The following GUCY1B1 variants were observed in gnomAD, a reference collection of about 807,000 sequenced individuals.
GUCY1B1 encodes the protein guanylate cyclase 1 soluble subunit beta 1, also known as guanylate cyclase soluble subunit beta-1.
A neutral mutation model predicts 71.0 loss-of-function variants in GUCY1B1; 43 were observed. The observed-to-expected ratio is 0.61, with a 90% CI of 0.47 to 0.78. The LOEUF (loss-of-function observed/expected upper bound fraction) is 0.78. Ranked by LOEUF, GUCY1B1 falls within the 30% of genes least tolerant of loss-of-function variation. GUCY1B1 has a pLI of 0.00. For missense variants in GUCY1B1, 535 were observed against 754.1 expected, an observed-to-expected ratio of 0.71 and a Z score of 3.40; for synonymous variants, 266 against 259.7, an observed-to-expected ratio of 1.02 and a Z score of -0.23.
chr4:155,763,840 A>T (rs1277188517), intron 2 of GUCY1B1, among the ~76,000 whole-genome samples: 3 of 152,224 alleles, frequency 2.0e-5, no homozygotes, highest in African/African-American at 7.2e-5. Context: ...GCATTGAATA[A>T]TGTCTGCAAA....
chr4:155,766,451 C>G (rs1463290730), intron 2 of GUCY1B1, among the ~76,000 whole-genome samples: 1 of 152,116 alleles, frequency 6.6e-6, no homozygotes, highest in Non-Finnish European at 1.5e-5. Flanking sequence ...AGTGAGAACA[C>G]TTAAGACCTC....
Position 155,796,485 on chromosome 4 carries a change from A to G in GUCY1B1, c.952A>G (p.Ser318Gly), listed in dbSNP as rs757900619. Reference sequence around the variant, plus strand: ...AATGATCTACTTACCTGAAGCAGATAGCATACTTTTTCTATGTTCACCAAG... The same window carrying G: ...AATGATCTACTTACCTGAAGCAGATGGCATACTTTTTCTATGTTCACCAAG... ...GQMIYLPEAD[S>G]ILFLCSPSVM... Residue 318 changes from serine to glycine, a missense_variant, in exon 8 of 14, where the codon AGC becomes GGC. Physicochemically the swap from Ser to Gly is moderately conservative, Grantham distance 56. Coordinates refer to ENST00000264424, the MANE Select transcript of GUCY1B1 (RefSeq NM_000857.5). The G allele has an allele frequency of 2.5e-6, 4 of 1,610,500 alleles. No homozygotes were observed. Among genetic ancestry groups the G allele is most frequent in the African/African-American group, 2.7e-5 (2 of 74,868 alleles).
At chr4:155,795,480 A>G in intron 7 of GUCY1B1, 23 bp downstream of exon 7, 1 of 1,098,808 alleles carries the variant, frequency 9.1e-7, no homozygotes, top group East Asian at 2.4e-5. Flanking sequence ...TTATTTCATT[A>G]AATGTGAGAA....
intron 5 of GUCY1B1, among the ~76,000 whole-genome samples, chr4:155,791,265 C>A (rs1269745307): frequency 2.0e-5 from 3 of 151,494 alleles, no homozygotes; most frequent in African/African-American, 7.3e-5. Context: ...CAGGCCCCCA[C>A]CACCACGCCC....
intron 2 of GUCY1B1, 45 bp downstream of exon 2, chr4:155,759,905 T>A: frequency 7.0e-7 from 1 of 1,424,790 alleles, no homozygotes; most frequent in Non-Finnish European, 9.9e-7. Context: ...CGGCGCCCAG[T>A]GTGGGAGGCC....
intron 11 of GUCY1B1, among the ~76,000 whole-genome samples, chr4:155,804,015 C>A (rs1376230376): frequency 6.6e-6 from 1 of 152,080 alleles, no homozygotes; most frequent in Non-Finnish European, 1.5e-5. Context: ...CTTGTACCTT[C>A]TAGTTTATTT....
intron 3 of GUCY1B1, among the ~76,000 whole-genome samples, chr4:155,777,196 C>T (rs1738109132): frequency 6.6e-6 from 1 of 152,186 alleles, no homozygotes; most frequent in South Asian, 2.1e-4. Context: ...TGTAGTGTCA[C>T]GTTGGTGACC....
chr4:155,795,281 T>A (rs1739467846), intron 6 of GUCY1B1, 60 bp from the exon 7 acceptor site: 2 of 792,602 alleles, frequency 2.5e-6, no homozygotes, highest in African/African-American at 1.7e-5. Context: ...GCGATTAATA[T>A]CAAAGTATAA....
Position 155,799,875 on chromosome 4 carries a change from A to T in GUCY1B1, c.978-2A>T. The T allele has an allele frequency of 6.3e-7, 1 of 1,590,566 alleles. No individual in the cohort carries two copies. Among genetic ancestry groups the T allele is most frequent in the Non-Finnish European group, 8.6e-7 (1 of 1,160,910 alleles). On this transcript the variant is annotated splice_acceptor_variant, in intron 8 of 13. Transcript: ENST00000264424. LOFTEE classifies it high-confidence loss of function. ...ATCTTGCCTCATTTCTCCATATGAC[A>T]GTGTCATGAACCTGGACGATTTGAC...
chr4:155,800,784 A>T (rs1483082707), intron 9 of GUCY1B1, among the ~76,000 whole-genome samples: 1 of 152,176 alleles, frequency 6.6e-6, no homozygotes, highest in Non-Finnish European at 1.5e-5. Flanking sequence ...ACTGACATTT[A>T]TAAGCTATTT....
chr4:155,804,050 G>A (rs1258737401), intron 11 of GUCY1B1, among the ~76,000 whole-genome samples: 1 of 152,124 alleles, frequency 6.6e-6, no homozygotes, highest in East Asian at 1.9e-4. Context: ...CATGTCTCAT[G>A]TAAGTTACTA....
rs2111107849 is a variant in GUCY1B1, at chr4:155,789,926, T to C, written c.495+15T>C. On this transcript the variant is annotated intron_variant, in intron 5 of 13. Transcript: ENST00000264424. ...TAGACATGAAGGTAACAAACAGCAA[T>C]GGAGACTTCTGAACACAGATGACAT... is the stretch of plus-strand genomic sequence containing the variant. The C allele has an allele frequency of 6.5e-7, 1 of 1,530,998 alleles. No individual in the cohort carries two copies. Among genetic ancestry groups the C allele is most frequent in the South Asian group, 1.1e-5 (1 of 87,134 alleles). 94.8% of individuals were successfully genotyped at this position (1,530,998 alleles called of 1,614,324 possible). A position where few individuals can be genotyped will look rare whatever the true frequency, so the allele number is the denominator to read the frequency against.
intron 4 of GUCY1B1, among the ~76,000 whole-genome samples, chr4:155,782,158 C>T (rs1022483194): frequency 2.0e-5 from 3 of 152,130 alleles, no homozygotes; most frequent in African/African-American, 7.2e-5. Flanking sequence ...TCACTGCAAA[C>T]TCCGCCTCCC....
Position 155,789,992 on chromosome 4 carries a change from G to A in GUCY1B1, c.495+81G>A, listed in dbSNP as rs1579233920. 6.9e-6 allele frequency: 6 copies of A among 875,704 alleles called. No homozygotes were observed. The East Asian group carries it at 1.5e-4, about 21-fold the overall frequency. 54.2% of individuals were successfully genotyped at this position (875,704 alleles called of 1,614,324 possible). On this transcript the variant is annotated intron_variant, in intron 5 of 13. Coordinates refer to ENST00000264424, the MANE Select transcript of GUCY1B1 (RefSeq NM_000857.5). ...ATGACACTCTCTAAATTTACCTGCA[G>A]TTATCACTGTTAGTGCTCTTCCCTG... is the stretch of plus-strand genomic sequence containing the variant.
intron 2 of GUCY1B1, among the ~76,000 whole-genome samples, chr4:155,762,077 C>G (rs1737032501): frequency 6.6e-6 from 1 of 152,190 alleles, no homozygotes; most frequent in African/African-American, 2.4e-5. Context: ...AAAGCTGCTC[C>G]TTGGTTTCCA....
intron 8 of GUCY1B1, among the ~76,000 whole-genome samples, chr4:155,797,401 A>G (rs1380341234): frequency 2.6e-5 from 4 of 152,190 alleles, no homozygotes; most frequent in Admixed American, 6.5e-5. Context: ...TTATATTATT[A>G]CTATTGTATT....
chr4:155,767,860 A>G (rs1486582203), intron 2 of GUCY1B1, among the ~76,000 whole-genome samples: 1 of 151,716 alleles, frequency 6.6e-6, no homozygotes, highest in African/African-American at 2.4e-5. Flanking sequence ...TGTTATATAT[A>G]GTTACTATCC....
At chr4:155,772,292 G>A (rs925612670) in intron 2 of GUCY1B1, among the ~76,000 whole-genome samples, 1 of 152,142 alleles carries the variant, frequency 6.6e-6, no homozygotes, top group African/African-American at 2.4e-5. Flanking sequence ...TATTCACTGG[G>A]AATATGTATA....
chr4:155,800,221 G>T, intron 9 of GUCY1B1, 147 bp downstream of exon 9: 3 of 495,226 alleles, frequency 6.1e-6, no homozygotes, highest in Non-Finnish European at 1.0e-5. Context: ...CTTTTAAAAA[G>T]AAATTATGCT....
Sources: gnomAD v4.1 joint callset for allele counts (sites outside exome capture counted in the v4.1 genomes callset) on GRCh38, gnomAD v4.1.1 for gene constraint, MANE v1.5 for transcripts, NCBI Gene and HGNC (gene_info 2026-07-23, HGNC 2026-07-21) for gene names.